Variants in AGPAT2 observed in about 807,000 individuals in gnomAD.
AGPAT2 encodes 1-acyl-sn-glycerol-3-phosphate acyltransferase beta.
A neutral mutation model predicts 26.1 loss-of-function variants in AGPAT2; 18 were observed. The observed-to-expected ratio is 0.69, with a 90% CI of 0.48 to 1.02. The LOEUF (loss-of-function observed/expected upper bound fraction) is 1.02. Among genes scored for constraint, AGPAT2 ranks in the 50% least tolerant of loss-of-function variants. The probability of loss-of-function intolerance (pLI) is 0.00; values close to 1 mark genes in which losing one functional copy is unlikely to be tolerated. For synonymous variants in AGPAT2, 200 were observed against 174.2 expected (o/e 1.15, Z -1.16); for missense variants, 415 against 394.9 (o/e 1.05, Z -0.43).
intron 4 of AGPAT2, among the ~76,000 whole-genome samples, chr9:136,675,361 GGGGCC>G (rs1846077543): frequency 9.2e-6 from 1 of 108,980 alleles, no homozygotes; most frequent in Non-Finnish European, 2.1e-5. Flanking sequence ...AGGAAGGGAG[GGGGCC>G]AGCAGGTAGG....
intron 2 of AGPAT2, 122 bp from the exon 3 acceptor site, chr9:136,677,258 G>C: frequency 6.7e-7 from 1 of 1,491,372 alleles, no homozygotes; most frequent in Non-Finnish European, 9.2e-7. Flanking sequence ...TGGACGGGTC[G>C]TGTGGCCTCC....
chr9:136,676,793 A>G (rs753416047), intron 3 of AGPAT2, 113 bp from the exon 4 acceptor site: 17 of 1,283,152 alleles, frequency 1.3e-5, no homozygotes, highest in Admixed American at 1.9e-5. Flanking sequence ...ATGGGACCCC[A>G]TCTGCGGAGC....
Position 136,687,303 on chromosome 9 carries a change from G to GCAC in AGPAT2, c.52_54dup (p.Val18dup), listed in dbSNP as rs2131023872. On this transcript the variant is annotated inframe_insertion, in exon 1 of 6. Coordinates refer to ENST00000371696, the MANE Select transcript of AGPAT2 (RefSeq NM_006412.4). ...TAGAACTCGGCCGCGCGGCTCAGCTGCACCAGCAGCAGCAGCAACAGCAGC... is the reference window on the plus strand; with the variant it reads ...TAGAACTCGGCCGCGCGGCTCAGCTGCACCACCAGCAGCAGCAGCAACAGCAGC... 2 of 1,573,740 alleles carry GCAC rather than the reference G, an allele frequency of 1.3e-6. No homozygotes were observed. The highest frequency in any genetic ancestry group is 1.7e-6 in the Non-Finnish European group (2 of 1,163,882).
At chr9:136,679,929 T>A (rs917210490) in intron 1 of AGPAT2, among the ~76,000 whole-genome samples, 1 of 152,228 alleles carries the variant, frequency 6.6e-6, no homozygotes, top group Non-Finnish European at 1.5e-5. Flanking sequence ...GCCCGACGGC[T>A]GGAGTGAGAA....
At chr9:136,683,905 T>C (rs918562153) in intron 1 of AGPAT2, among the ~76,000 whole-genome samples, 3 of 152,152 alleles carry the variant, frequency 2.0e-5, no homozygotes, top group Non-Finnish European at 4.4e-5. Flanking sequence ...GGCCGGCAAA[T>C]CTGGGTCAAA....
intron 1 of AGPAT2, among the ~76,000 whole-genome samples, chr9:136,678,176 C>T (rs560767030): frequency 6.6e-6 from 1 of 152,178 alleles, no homozygotes. Context: ...GCGAGGGGCT[C>T]GGGGCTTGTC....
At chr9:136,680,523 G>A (rs554565069) in intron 1 of AGPAT2, among the ~76,000 whole-genome samples, 103 of 151,794 alleles carry the variant, frequency 6.8e-4, no homozygotes, top group Admixed American at 2.3e-3. Context: ...CACCGCGCCC[G>A]GCCAGCTAGT....
intron 3 of AGPAT2, 102 bp downstream of exon 3, chr9:136,676,859 G>A (rs1032981630): frequency 2.8e-5 from 39 of 1,416,018 alleles, no homozygotes; most frequent in Admixed American, 3.7e-5. Flanking sequence ...GGATGATGTG[G>A]GGGTCTTGTT....
intron 1 of AGPAT2, among the ~76,000 whole-genome samples, chr9:136,683,743 T>C (rs1171612684): frequency 6.6e-6 from 1 of 152,090 alleles, no homozygotes; most frequent in Non-Finnish European, 1.5e-5. Flanking sequence ...ACAGCTCCAA[T>C]TTCTGGGCCT....
chr9:136,681,743 G>A lies in AGPAT2; in HGVS notation c.183-4187C>T, dbSNP rs185167890. 1.5e-3 allele frequency among the ~76,000 whole-genome samples: 235 copies of A among 152,272 alleles called. 1 individual carries two copies. The highest frequency in any genetic ancestry group is 2.7e-3 in the Non-Finnish European group (184 of 68,014). ...CCCGAACCAGGGAGGAGGAGGTTGCGTTGAGCCGAGATGGTGCCATTGTAC... is the reference window on the plus strand; with the variant it reads ...CCCGAACCAGGGAGGAGGAGGTTGCATTGAGCCGAGATGGTGCCATTGTAC... On this transcript the variant is annotated intron_variant, in intron 1 of 5. Coordinates refer to ENST00000371696, the MANE Select transcript of AGPAT2 (RefSeq NM_006412.4).
chr9:136,677,026 G>C lies in AGPAT2; in HGVS notation c.427C>G (p.Arg143Gly). ...MYLGGVFFIN[R>G]QRSSTAMTVM... ...GTCATGGCAGTGCTAGAGCGCTGCC[G>C]GTTGATGAAGAAGACGCCCCCGAGG... The change falls in exon 3 of 6, where the codon CGG becomes GGG. Residue 143 changes from arginine (R) to glycine (G), a missense_variant. Coordinates refer to ENST00000371696, the MANE Select transcript of AGPAT2 (RefSeq NM_006412.4). 6.2e-7 allele frequency: 1 copy of C among 1,611,648 alleles called. No individual in the cohort carries two copies. The highest frequency in any genetic ancestry group is 1.7e-4 in the Middle Eastern group (1 of 6,054).
Position 136,673,673 on chromosome 9 carries a change from G to T in AGPAT2, c.*79C>A, listed in dbSNP as rs112657922. 12 of 1,408,470 alleles carry T rather than the reference G, an allele frequency of 8.5e-6. No individual in the cohort carries two copies. Among genetic ancestry groups the T allele is most frequent in the South Asian group, 1.4e-5 (1 of 69,644 alleles). The allele number at this position is 1,408,470 out of a possible 1,614,324, so 87.2% of individuals were successfully genotyped here. On this transcript the variant is annotated 3_prime_UTR_variant, in exon 6 of 6. Transcript: ENST00000371696. ...CCGGACAGAGTGGTATTTGGAAGCC[G>T]GGAGGAGTCCCCTCTGCCCATCCTC...
chr9:136,677,179 G>C (rs1236093859), intron 2 of AGPAT2, 43 bp from the exon 3 acceptor site: 1 of 1,605,786 alleles, frequency 6.2e-7, no homozygotes, highest in Non-Finnish European at 8.5e-7. Context: ...GGGGGAGACA[G>C]CGTGCGCTGG....
At position 136,687,302 on chromosome 9, in the gene AGPAT2, T is replaced by C; in HGVS notation, c.56A>G (p.Gln19Arg). 1 of 1,577,774 alleles carries C rather than the reference T, an allele frequency of 6.3e-7. No homozygotes were observed. Among genetic ancestry groups the C allele is most frequent in the Non-Finnish European group, 8.6e-7 (1 of 1,166,730 alleles). ...AALLLLLLLV[Q>R]LSRAAEFYAK... Reference sequence around the variant, plus strand: ...GTAGAACTCGGCCGCGCGGCTCAGCTGCACCAGCAGCAGCAGCAACAGCAG... The same window carrying C: ...GTAGAACTCGGCCGCGCGGCTCAGCCGCACCAGCAGCAGCAGCAACAGCAG... The change falls in exon 1 of 6, where the codon CAG becomes CGG. Residue 19 changes from glutamine (Q) to arginine (R), a missense_variant. Transcript: ENST00000371696.
chr9:136,687,084 CG>C (rs1846231325), intron 1 of AGPAT2, 91 bp downstream of exon 1: 8 of 1,387,476 alleles, frequency 5.8e-6, no homozygotes, highest in Non-Finnish European at 7.7e-6. Context: ...GCGGGACGGG[CG>C]GGGCAGGAAG....
chr9:136,680,317 C>G (rs1846143066), intron 1 of AGPAT2, among the ~76,000 whole-genome samples: 1 of 152,134 alleles, frequency 6.6e-6, no homozygotes, highest in South Asian at 2.1e-4. Flanking sequence ...ACCTCTGCCT[C>G]CCGGGTTCAA....
chr9:136,677,248 T>C, intron 2 of AGPAT2, 112 bp from the exon 3 acceptor site: 1 of 1,506,376 alleles, frequency 6.6e-7, no homozygotes, highest in Non-Finnish European at 9.1e-7. Flanking sequence ...CCTGGCTACC[T>C]GGACGGGTCG....
chr9:136,678,331 C>T (rs2119188287), intron 1 of AGPAT2, among the ~76,000 whole-genome samples: 1 of 152,284 alleles, frequency 6.6e-6, no homozygotes, highest in East Asian at 1.9e-4. Context: ...GTCCAAGCAG[C>T]CCGTCATGGT....
intron 1 of AGPAT2, among the ~76,000 whole-genome samples, chr9:136,683,660 G>A (rs1846188988): frequency 6.6e-6 from 1 of 152,224 alleles, no homozygotes; most frequent in African/African-American, 2.4e-5. Flanking sequence ...CCTCAAAGCG[G>A]ATGTGTAGGA....
Sources: allele counts gnomAD v4.1 joint callset (sites outside exome capture counted in the v4.1 genomes callset), GRCh38; gene constraint gnomAD v4.1.1; transcripts MANE v1.5; gene names NCBI Gene and HGNC (gene_info 2026-07-23, HGNC 2026-07-21).